SNX25: variants seen among roughly 807,000 people sequenced by gnomAD.
SNX25 encodes sorting nexin-25.
SNX25 carries 62 observed loss-of-function variants against 113.7 expected under a neutral mutation model. The ratio of observed to expected loss-of-function variants is 0.55; its 90% CI spans 0.44 to 0.67. SNX25 has a LOEUF of 0.67. SNX25 is among the 30% of genes least tolerant of loss of function. The pLI, the probability that SNX25 is intolerant of heterozygous loss-of-function variation, is 0.00. For synonymous variants in SNX25, 421 were observed against 436.2 expected, an observed-to-expected ratio of 0.97 and a Z score of 0.43; for missense variants, 1,014 against 1,161.0, an observed-to-expected ratio of 0.87 and a Z score of 1.84.
intron 4 of SNX25, among the ~76,000 whole-genome samples, chr4:185,266,560 C>T (rs1047685733): frequency 6.6e-6 from 1 of 152,116 alleles, no homozygotes; most frequent in African/African-American, 2.4e-5. Flanking sequence ...TGGGGTTTCA[C>T]CATGTTAGCC....
At chr4:185,208,564 C>A (rs1737307528), upstream of SNX25, among the ~76,000 whole-genome samples, 1 of 151,778 alleles carries the variant, frequency 6.6e-6, no homozygotes, top group African/African-American at 2.4e-5. Flanking sequence ...CCCGTCTCTA[C>A]TAAAAATACA....
intron 6 of SNX25, among the ~76,000 whole-genome samples, chr4:185,310,080 G>C (rs567215602): frequency 6.6e-6 from 1 of 152,286 alleles, no homozygotes; most frequent in South Asian, 2.1e-4. Flanking sequence ...ATTCATGTTT[G>C]TTTAAAATAA....
Position 185,212,505 on chromosome 4 carries a change from T to G in SNX25, c.429+2250T>G, listed in dbSNP as rs1483112512. On this transcript the variant is annotated intron_variant, in intron 1 of 18. Transcript: ENST00000652585. ...TGTGTGTGTGTGTTTTTTTTTTTTT[T>G]TGCTTTGAGACAGGGTCTGCTCTGT... 2.1e-5 allele frequency among the ~76,000 whole-genome samples: 3 copies of G among 141,856 alleles called. No homozygotes were observed. The Admixed American group carries it at 2.2e-4, about 10-fold the overall frequency. The allele number at this position is 141,856 out of a possible 152,430, so 93.1% of individuals were successfully genotyped here.
At chr4:185,377,176 C>T in the SNX25 span, 8 of 620,518 alleles carry the variant, frequency 1.3e-5, no homozygotes, top group South Asian at 1.1e-4. Context: ...AGAAATATTA[C>T]CTGAAAAAAC....
chr4:185,317,029 C>A (rs1216521744), intron 7 of SNX25, among the ~76,000 whole-genome samples: 1 of 152,130 alleles, frequency 6.6e-6, no homozygotes, highest in African/African-American at 2.4e-5. Context: ...AAAATGCCTT[C>A]CCTGGCAGCC....
chr4:185,226,955 C>T (rs997562393), intron 1 of SNX25, among the ~76,000 whole-genome samples: 13 of 152,172 alleles, frequency 8.5e-5, no homozygotes, highest in Non-Finnish European at 1.6e-4. Flanking sequence ...AGGACAAGCT[C>T]AGGGCTAGGG....
At chr4:185,311,157 A>G (rs1009548706) in intron 7 of SNX25, among the ~76,000 whole-genome samples, 1 of 152,124 alleles carries the variant, frequency 6.6e-6, no homozygotes. Context: ...AGAAATAACC[A>G]CCTATGAAGT....
chr4:185,297,794 A>T (rs1017123569), intron 6 of SNX25, among the ~76,000 whole-genome samples: 1 of 152,068 alleles, frequency 6.6e-6, no homozygotes, highest in South Asian at 2.1e-4. Flanking sequence ...TAACTCCATC[A>T]TGGGGCTTCT....
intron 5 of SNX25, 96 bp from the exon 6 acceptor site, chr4:185,287,916 G>A: frequency 1.0e-6 from 1 of 972,876 alleles, no homozygotes; most frequent in South Asian, 1.7e-5. Context: ...CAGCTCCTGT[G>A]TTACATTTGT....
At chr4:185,321,940 G>A (rs557389845) in intron 8 of SNX25, among the ~76,000 whole-genome samples, 14 of 152,248 alleles carry the variant, frequency 9.2e-5, no homozygotes, top group African/African-American at 2.9e-4. Flanking sequence ...ATAGTTACAC[G>A]CAAAAACGCT....
At chr4:185,251,120 A>G (rs1745567617) in intron 2 of SNX25, among the ~76,000 whole-genome samples, 1 of 151,824 alleles carries the variant, frequency 6.6e-6, no homozygotes, top group Non-Finnish European at 1.5e-5. Flanking sequence ...TCAGCCTCCC[A>G]AGTAGCTGAG....
rs536485155 is a variant in SNX25, at chr4:185,324,522, G to A, written c.1749+722G>A. Reference sequence around the variant, plus strand: ...TGGAGGAGAAGTTTATTGCAAGGTTGGAATGTCTCCGATCAGAGGGGAGGT... The same window carrying A: ...TGGAGGAGAAGTTTATTGCAAGGTTAGAATGTCTCCGATCAGAGGGGAGGT... On this transcript the variant is annotated intron_variant, in intron 9 of 18. Transcript: ENST00000652585. Among the ~76,000 whole-genome samples, 105 of 151,966 alleles carry A rather than the reference G, an allele frequency of 6.9e-4. 1 individual carries two copies. The highest frequency in any genetic ancestry group is 1.2e-3 in the Non-Finnish European group (82 of 67,994).
At chr4:185,212,492 T>TTTTTGTTTG (rs1560890036) in intron 1 of SNX25, among the ~76,000 whole-genome samples, 2 of 27,870 alleles carry the variant, frequency 7.2e-5, no homozygotes, top group East Asian at 1.9e-3. Context: ...TGTGTGTGTG[T>TTTTTGTTTG]TTTTTTTTTT....
chr4:185,365,238 A>T (rs1446806049), downstream of SNX25: 1 of 152,212 alleles, frequency 6.6e-6, no homozygotes, highest in Non-Finnish European at 1.5e-5. Flanking sequence ...TAAGCATAGC[A>T]TGTTACCATG....
intron 15 of SNX25, 21 bp downstream of exon 15, chr4:185,353,623 T>G (rs752085626): frequency 6.4e-7 from 1 of 1,570,422 alleles, no homozygotes; most frequent in East Asian, 2.2e-5. Context: ...TTGTTATTAT[T>G]TAGTGGTATT....
intron 7 of SNX25, among the ~76,000 whole-genome samples, chr4:185,319,119 ACATAT>A (rs2095098992): frequency 7.1e-6 from 1 of 140,306 alleles, no homozygotes; most frequent in Non-Finnish European, 1.5e-5. Context: ...TTTTTAAAGG[ACATAT>A]CATATTTATT....
chr4:185,236,888 G>C (rs1742724870), intron 1 of SNX25, among the ~76,000 whole-genome samples: 1 of 152,184 alleles, frequency 6.6e-6, no homozygotes, highest in Non-Finnish European at 1.5e-5. Flanking sequence ...TACATAGTAA[G>C]TGTTGGAATC....
chr4:185,291,021 TA>T (rs1219545834), intron 6 of SNX25, among the ~76,000 whole-genome samples: 1 of 152,220 alleles, frequency 6.6e-6, no homozygotes, highest in East Asian at 1.9e-4. Flanking sequence ...GATGACATTT[TA>T]TGGCTACCTG....
chr4:185,240,660 C>T (rs1199597331), intron 1 of SNX25, among the ~76,000 whole-genome samples: 1 of 151,306 alleles, frequency 6.6e-6, no homozygotes, highest in Non-Finnish European at 1.5e-5. Context: ...CTAACCCCCC[C>T]ACCTCCCTTC....
Sources: gnomAD v4.1 joint callset for allele counts (sites outside exome capture counted in the v4.1 genomes callset) on GRCh38, gnomAD v4.1.1 for gene constraint, MANE v1.5 for transcripts, NCBI Gene and HGNC (gene_info 2026-07-23, HGNC 2026-07-21) for gene names.